Variants in ZFYVE16 observed in about 807,000 individuals in gnomAD.
ZFYVE16 encodes the protein zinc finger FYVE domain-containing protein 16.
Under a neutral mutation model 138.1 loss-of-function variants are expected in ZFYVE16, and 89 were observed. That is an observed-to-expected ratio of 0.64 (90% confidence interval 0.54 to 0.77). ZFYVE16 has a LOEUF of 0.77. ZFYVE16 is among the 30% of genes least tolerant of loss of function. The probability of loss-of-function intolerance (pLI) is 0.00; values close to 1 mark genes in which losing one functional copy is unlikely to be tolerated. For synonymous variants in ZFYVE16, 596 were observed against 618.3 expected, an observed-to-expected ratio of 0.96 and a Z score of 0.53; for missense variants, 1,793 against 1,786.7, an observed-to-expected ratio of 1.00 and a Z score of -0.06.
chr5:80,422,574 CCTT>C (rs1747381659), intron 1 of ZFYVE16, among the ~76,000 whole-genome samples: 1 of 152,090 alleles, frequency 6.6e-6, no homozygotes, highest in South Asian at 2.1e-4. Flanking sequence ...CCTGCCTCAG[CCTT>C]CTGAGTAGCT....
chr5:80,415,096 A>G lies in ZFYVE16; in HGVS notation c.-94+6943A>G, dbSNP rs78884465. On this transcript the variant is annotated intron_variant, in intron 1 of 18. Transcript: ENST00000505560. ...TAAACCTCATTAGATTGATTCTCTA[A>G]TTTCTAATATTTTCTCTCCTGTTTT... Among the ~76,000 whole-genome samples, 626 of 152,086 alleles carry G rather than the reference A, an allele frequency of 4.1e-3. 18 individuals are homozygous for G. In the East Asian group the frequency reaches 0.055, roughly 13 times the overall value.
chr5:80,448,128 C>T lies in ZFYVE16; in HGVS notation c.2827C>T (p.Gln943Ter). Reference sequence around the variant, plus strand: ...TGAGATAATTCAGAGTCCTATTTCTCAGGTTCCATCAGTGGAAAAATTGTC... The same window carrying T: ...TGAGATAATTCAGAGTCCTATTTCTTAGGTTCCATCAGTGGAAAAATTGTC... The part of the protein sequence containing the change: ...RNEIIQSPIS[Q>*]VPSVEKLSMN... Residue 943 changes from glutamine (Q) to a stop codon, truncating the protein, a stop_gained, in exon 8 of 19, where the codon CAG (glutamine) becomes TAG (stop). Transcript: ENST00000505560. LOFTEE classifies it high-confidence loss of function. 1 of 1,613,900 alleles carries T rather than the reference C, an allele frequency of 6.2e-7. No individual in the cohort carries two copies. The highest frequency in any genetic ancestry group is 1.1e-5 in the South Asian group (1 of 91,048).
At chr5:80,457,686 A>G (rs887424935) in intron 14 of ZFYVE16, among the ~76,000 whole-genome samples, 16 of 152,184 alleles carry the variant, frequency 1.1e-4, no homozygotes, top group African/African-American at 3.9e-4. Flanking sequence ...CTGCTTATAA[A>G]AGTAATATAT....
chr5:80,436,902 TA>T lies in ZFYVE16; in HGVS notation c.218del (p.Tyr73LeufsTer8). ...VNSCASSETS[Y>X]GTNESSLNEK... Reference sequence around the variant, plus strand: ...TAGTTGTGCCTCATCAGAAACAAGCTATGGAACAAATGAGAGTTCCCTGAAT... The same window carrying T: ...TAGTTGTGCCTCATCAGAAACAAGCTTGGAACAAATGAGAGTTCCCTGAAT... On this transcript the variant is annotated frameshift_variant, in exon 4 of 19. Transcript: ENST00000505560. LOFTEE classifies it high-confidence loss of function. 6.2e-7 allele frequency: 1 copy of T among 1,614,136 alleles called. No individual in the cohort carries two copies. Among genetic ancestry groups the T allele is most frequent in the Non-Finnish European group, 8.5e-7 (1 of 1,180,018 alleles).
intron 2 of ZFYVE16, among the ~76,000 whole-genome samples, chr5:80,431,409 C>A (rs574877347): frequency 6.6e-6 from 1 of 152,182 alleles, no homozygotes; most frequent in South Asian, 2.1e-4. Flanking sequence ...CAAAACCTCT[C>A]AATAAATTAG....
At chr5:80,440,367 C>A (rs181449951) in intron 5 of ZFYVE16, 1 of 1,005,568 alleles carries the variant, frequency 9.9e-7, no homozygotes, top group Non-Finnish European at 1.2e-6. Context: ...TAAACACTTA[C>A]AGATACCTAC....
In ZFYVE16 at chr5:80,477,383, GAA is replaced by G. The variant is rs755519968; in HGVS notation, c.*7_*8del. On this transcript the variant is annotated 3_prime_UTR_variant, in exon 19 of 19. Transcript: ENST00000505560. ...TTATAGAACATCTTTTTTAGTGAAA[GAA>G]TGTGCCATATTACATATTGCAACCT... is the stretch of plus-strand genomic sequence containing the variant. 22 of 1,601,950 alleles carry G rather than the reference GAA, an allele frequency of 1.4e-5. No individual in the cohort carries two copies. In the East Asian group the frequency reaches 5.0e-4, roughly 36 times the overall value.
At position 80,477,981 on chromosome 5, in the gene ZFYVE16, A is replaced by C. The variant is rs1156229268; in HGVS notation, c.*604A>C. On this transcript the variant is annotated 3_prime_UTR_variant, in exon 19 of 19. Transcript: ENST00000505560. ...TTTCTTCTCAAATTATTACATATGTATGTATTATATATCCACATATATAGT... is the reference window on the plus strand; with the variant it reads ...TTTCTTCTCAAATTATTACATATGTCTGTATTATATATCCACATATATAGT... 2 of 152,126 alleles carry C rather than the reference A, an allele frequency of 1.3e-5. No homozygotes were observed. The highest frequency in any genetic ancestry group is 1.3e-4 in the Admixed American group (2 of 15,270). The allele number at this position is 152,126 out of a possible 1,614,324, so 9.4% of individuals were successfully genotyped here. A position where few individuals can be genotyped will look rare whatever the true frequency, so the allele number is the denominator to read the frequency against.
intron 11 of ZFYVE16, chr5:80,454,967 TATC>T (rs1752371272): frequency 6.6e-6 from 1 of 152,224 alleles, no homozygotes; most frequent in Admixed American, 6.5e-5. Flanking sequence ...TCTAACCAAT[TATC>T]ATAATTTTCC....
chr5:80,453,326 A>G (rs540472090), intron 11 of ZFYVE16, among the ~76,000 whole-genome samples: 28 of 152,354 alleles, frequency 1.8e-4, no homozygotes, highest in East Asian at 5.8e-4. Flanking sequence ...TGTTTCATCA[A>G]TGCAGCCCAG....
At position 80,437,607 on chromosome 5, in the gene ZFYVE16, A is replaced by G. The variant is rs374381996; in HGVS notation, c.922A>G (p.Lys308Glu). The change falls in exon 4 of 19, where the codon AAA becomes GAA. Residue 308 changes from lysine to glutamate, a missense_variant. By Grantham distance (56) the Lys-to-Glu change is moderately conservative. Coordinates refer to ENST00000505560, the MANE Select transcript of ZFYVE16 (RefSeq NM_001284236.3). Reference sequence around the variant, plus strand: ...AAGTGCTTTGACCTGCAGCCTTCCGAAAAATGAAGATTTATGCTTAAATGA... The same window carrying G: ...AAGTGCTTTGACCTGCAGCCTTCCGGAAAATGAAGATTTATGCTTAAATGA... ...KTSALTCSLPKNEDLCLNDSN... is the reference protein window; with the variant it reads ...KTSALTCSLPENEDLCLNDSN... The G allele has an allele frequency of 2.2e-5, 36 of 1,612,900 alleles. 1 individual carries two copies. In the African/African-American group the frequency reaches 4.1e-4, roughly 19 times the overall value.
chr5:80,434,631 T>C (rs757098815), intron 3 of ZFYVE16, among the ~76,000 whole-genome samples: 14 of 151,974 alleles, frequency 9.2e-5, no homozygotes, highest in African/African-American at 1.2e-4. Context: ...GCCACCATGC[T>C]GGCTAATTTT....
Position 80,457,038 on chromosome 5 carries a change from A to T in ZFYVE16, c.3889A>T (p.Asn1297Tyr), listed in dbSNP as rs1322243805. Residue 1297 changes from asparagine to tyrosine, a missense_variant, in exon 14 of 19, where the codon AAT becomes TAT. Asn to Tyr is a moderately radical substitution (Grantham distance 143, BLOSUM62 -2). This residue lies in a region of ZFYVE16 where 498 missense variants were observed against 582.4 expected (regional missense o/e 0.86). Coordinates refer to ENST00000505560, the MANE Select transcript of ZFYVE16 (RefSeq NM_001284236.3). ...EADSHLVCIQ[N>Y]DGIYETQANS... ...AGATTCTCATCTAGTCTGTATACAG[A>T]ATGATGGAATTTATGAAACACAGGC... 1 of 1,612,734 alleles carries T rather than the reference A, an allele frequency of 6.2e-7. No individual in the cohort carries two copies. The highest frequency in any genetic ancestry group is 8.5e-7 in the Non-Finnish European group (1 of 1,179,504).
chr5:80,411,978 A>T (rs1210696695), intron 1 of ZFYVE16, among the ~76,000 whole-genome samples: 1 of 152,074 alleles, frequency 6.6e-6, no homozygotes, highest in Non-Finnish European at 1.5e-5. Flanking sequence ...TTTTTATTTG[A>T]GACAGGATCT....
rs147129781 is a variant in ZFYVE16 at position 80,408,480 on chromosome 5, CG to C, written c.-94+329del. Among the ~76,000 whole-genome samples, 935 of 152,368 alleles carry C rather than the reference CG, an allele frequency of 6.1e-3. 10 individuals are homozygous for C. The highest frequency in any genetic ancestry group is 0.021 in the African/African-American group (863 of 41,594). Reference sequence around the variant, plus strand: ...CTCCTGGGGGAGAGACCCCAGCGGACGGAGGGAGAAGCGCCCTGGCGCCGCC... The same window carrying C: ...CTCCTGGGGGAGAGACCCCAGCGGACGAGGGAGAAGCGCCCTGGCGCCGCC... On this transcript the variant is annotated intron_variant, in intron 1 of 18. Coordinates refer to ENST00000505560, the MANE Select transcript of ZFYVE16 (RefSeq NM_001284236.3).
intron 3 of ZFYVE16, among the ~76,000 whole-genome samples, chr5:80,436,326 T>G (rs901870362): frequency 6.6e-6 from 1 of 152,158 alleles, no homozygotes; most frequent in Admixed American, 6.5e-5. Context: ...AAAGCCAACT[T>G]GAGGAGTCCT....
rs754519034 is a variant in ZFYVE16 at position 80,436,931 on chromosome 5, A to G, written c.246A>G (p.Glu82=). The G allele has an allele frequency of 2.5e-6, 4 of 1,614,046 alleles. No individual in the cohort carries two copies. The highest frequency in any genetic ancestry group is 1.3e-5 in the African/African-American group (1 of 74,940). Residue 82 remains glutamate, a synonymous_variant, in exon 4 of 19, where the codon GAA becomes GAG. Coordinates refer to ENST00000505560, the MANE Select transcript of ZFYVE16 (RefSeq NM_001284236.3). ...GAACAAATGAGAGTTCCCTGAATGA[A>G]AAAACACTCAAGGGACTTACTTCTA... is the stretch of plus-strand genomic sequence containing the variant. ...SYGTNESSLN[E]KTLKGLTSIQ... is the part of the protein sequence containing the mutation.
chr5:80,456,440 T>C (rs1470667095), intron 12 of ZFYVE16, 21 bp from the exon 13 acceptor site: 2 of 1,546,696 alleles, frequency 1.3e-6, no homozygotes, highest in Non-Finnish European at 1.8e-6. Flanking sequence ...TAGTTTATGG[T>C]AATGCAATTA....
At chr5:80,476,931 G>A (rs1754967249) in intron 18 of ZFYVE16, among the ~76,000 whole-genome samples, 1 of 152,058 alleles carries the variant, frequency 6.6e-6, no homozygotes, top group African/African-American at 2.4e-5. Context: ...AATGTCGGCA[G>A]TTATTCAAAG....
Sources: gnomAD v4.1 joint callset for allele counts (sites outside exome capture counted in the v4.1 genomes callset) on GRCh38, gnomAD v4.1.1 for gene constraint, gnomAD v4.1.1 regional missense constraint, MANE v1.5 for transcripts, NCBI Gene and HGNC (gene_info 2026-07-23, HGNC 2026-07-21) for gene names.